DISC1: variants seen among roughly 807,000 people sequenced by gnomAD.
DISC1 encodes the protein disrupted in schizophrenia 1 protein.
Under a neutral mutation model 84.5 loss-of-function variants are expected in DISC1, and 57 were observed. That is an observed-to-expected ratio of 0.67 (90% CI 0.55 to 0.84). The LOEUF (loss-of-function observed/expected upper bound fraction) is 0.84. DISC1 is among the 40% of genes least tolerant of loss of function. The pLI is 0.00. For synonymous variants in DISC1, 411 were observed against 415.2 expected, an observed-to-expected ratio of 0.99 and a Z score of 0.12; for missense variants, 1,000 against 1,057.8, an observed-to-expected ratio of 0.95 and a Z score of 0.76.
chr1:231,874,048 A>G (rs982320478), intron 9 of DISC1, among the ~76,000 whole-genome samples: 1 of 151,224 alleles, frequency 6.6e-6, no homozygotes, highest in Non-Finnish European at 1.5e-5. Flanking sequence ...GAGTTTCACT[A>G]TGTTGGCCAG....
rs80252252 is a variant in DISC1, at chr1:231,674,166, G to A, written c.68-19660G>A. Among the ~76,000 whole-genome samples, 1,064 of 152,262 alleles carry A rather than the reference G, an allele frequency of 7.0e-3. 8 individuals carry two copies. Among genetic ancestry groups the A allele is most frequent in the Non-Finnish European group, 0.012 (841 of 68,014 alleles). ...AAAATATGTTAAGAGCTTAGAATAT[G>A]TCTGGCACTTAGTAAGTGCTCAGTG... On this transcript the variant is annotated intron_variant, in intron 1 of 12. Transcript: ENST00000439617.
At chr1:231,728,582 C>T (rs1196015250) in intron 3 of DISC1, among the ~76,000 whole-genome samples, 15 of 152,198 alleles carry the variant, frequency 9.9e-5, no homozygotes. Context: ...AGTGAAGAGC[C>T]TAACGGCCAA....
At chr1:231,956,862 G>A (rs941126886) in intron 9 of DISC1, among the ~76,000 whole-genome samples, 2 of 152,108 alleles carry the variant, frequency 1.3e-5, no homozygotes, top group Admixed American at 6.5e-5. Flanking sequence ...CACCTACACA[G>A]GGCCTCTCCA....
chr1:231,959,497 A>G, intron 10 of DISC1: 2 of 985,540 alleles, frequency 2.0e-6, no homozygotes, highest in South Asian at 4.7e-5. Context: ...AGAGTGGAAT[A>G]TGCGCTTTCT....
intron 11 of DISC1, among the ~76,000 whole-genome samples, chr1:232,023,644 A>G (rs1336132818): frequency 6.6e-6 from 1 of 152,206 alleles, no homozygotes; most frequent in Non-Finnish European, 1.5e-5. Flanking sequence ...GGAGAAATGT[A>G]AAACTGTATT....
chr1:231,807,917 T>G (rs908707500), intron 8 of DISC1, among the ~76,000 whole-genome samples: 1 of 152,266 alleles, frequency 6.6e-6, no homozygotes, highest in Non-Finnish European at 1.5e-5. Flanking sequence ...TGCTTCCAGA[T>G]GCCAGAGGCA....
At chr1:231,881,687 T>C (rs968114948) in intron 9 of DISC1, among the ~76,000 whole-genome samples, 3 of 152,142 alleles carry the variant, frequency 2.0e-5, no homozygotes, top group Non-Finnish European at 4.4e-5. Flanking sequence ...TCCTTCACCA[T>C]GCACTGGGGC....
chr1:231,701,946 C>G lies in DISC1; in HGVS notation c.1048-9C>G. The G allele has an allele frequency of 6.3e-7, 1 of 1,591,680 alleles. No homozygotes were observed. The highest frequency in any genetic ancestry group is 8.6e-7 in the Non-Finnish European group (1 of 1,168,920). On this transcript the variant is annotated splice_polypyrimidine_tract_variant and intron_variant, in intron 2 of 12. Coordinates refer to ENST00000439617, the MANE Select transcript of DISC1 (RefSeq NM_018662.3). ...AATTTTTTATTTTTTCCCCTTTAAACCAACATAGGTAATATCCTTAAGATT... is the reference window on the plus strand; with the variant it reads ...AATTTTTTATTTTTTCCCCTTTAAAGCAACATAGGTAATATCCTTAAGATT...
At chr1:231,789,980 T>C (rs1424591977) in intron 6 of DISC1, among the ~76,000 whole-genome samples, 1 of 152,198 alleles carries the variant, frequency 6.6e-6, no homozygotes, top group Non-Finnish European at 1.5e-5. Flanking sequence ...TAATCATTTT[T>C]AAAAATCAAA....
intron 9 of DISC1, among the ~76,000 whole-genome samples, chr1:231,853,461 G>A (rs2084042711): frequency 6.6e-6 from 1 of 152,192 alleles, no homozygotes; most frequent in Non-Finnish European, 1.5e-5. Flanking sequence ...TTGTCACACT[G>A]TAAGTATTTG....
intron 9 of DISC1, among the ~76,000 whole-genome samples, chr1:231,868,004 C>T (rs761493904): frequency 2.6e-5 from 4 of 152,182 alleles, no homozygotes; most frequent in Non-Finnish European, 4.4e-5. Flanking sequence ...AATAAGTGTG[C>T]TTTGGCATTG....
chr1:231,718,456 G>A (rs934302804), intron 3 of DISC1, among the ~76,000 whole-genome samples: 30 of 113,616 alleles, frequency 2.6e-4, no homozygotes, highest in African/African-American at 8.5e-4. Context: ...TTTTTTTTGA[G>A]TTGCAGTTTT....
intron 11 of DISC1, among the ~76,000 whole-genome samples, chr1:232,013,347 A>T (rs1379522226): frequency 6.6e-6 from 1 of 152,158 alleles, no homozygotes; most frequent in Non-Finnish European, 1.5e-5. Context: ...CAGTGTGTGA[A>T]CACAGCTGCA....
At chr1:231,804,596 T>C (rs2079559202) in intron 8 of DISC1, among the ~76,000 whole-genome samples, 1 of 152,156 alleles carries the variant, frequency 6.6e-6, no homozygotes, top group South Asian at 2.1e-4. Context: ...CACGGGATTA[T>C]AGGCATGAGC....
intron 12 of DISC1, among the ~76,000 whole-genome samples, chr1:232,035,122 A>G (rs1181700875): frequency 6.6e-6 from 1 of 152,174 alleles, no homozygotes; most frequent in East Asian, 1.9e-4. Context: ...ATTCATTTCC[A>G]TCATTCCCAG....
chr1:231,934,149 G>A (rs1479467431), intron 9 of DISC1, among the ~76,000 whole-genome samples: 2 of 152,176 alleles, frequency 1.3e-5, no homozygotes, highest in East Asian at 1.9e-4. Flanking sequence ...GGCAGGAAAA[G>A]GGGGGTGACC....
chr1:231,685,905 C>G (rs900684846), intron 1 of DISC1, among the ~76,000 whole-genome samples: 7 of 152,130 alleles, frequency 4.6e-5, no homozygotes, highest in African/African-American at 1.4e-4. Context: ...ACAGCTGTTC[C>G]AAATAGGAGA....
chr1:231,719,570 T>C (rs2069316232), intron 3 of DISC1, among the ~76,000 whole-genome samples: 1 of 152,214 alleles, frequency 6.6e-6, no homozygotes, highest in African/African-American at 2.4e-5. Context: ...TAAAATGGGA[T>C]AATAGGGTTG....
chr1:231,652,883 G>A (rs149436738), intron 1 of DISC1, among the ~76,000 whole-genome samples: 6 of 152,278 alleles, frequency 3.9e-5, no homozygotes, highest in East Asian at 1.9e-4. Flanking sequence ...TGGTTCAAGC[G>A]ATTGTTCTGT....
Sources: gnomAD v4.1 joint callset for allele counts (sites outside exome capture counted in the v4.1 genomes callset) on GRCh38, gnomAD v4.1.1 for gene constraint, MANE v1.5 for transcripts, NCBI Gene and HGNC (gene_info 2026-07-23, HGNC 2026-07-21) for gene names.